TMPRSS7: variants seen among roughly 807,000 people sequenced by gnomAD.
TMPRSS7 encodes the protein transmembrane serine protease 7.
In TMPRSS7, 81 loss-of-function variants were observed where a neutral mutation model predicts 95.6. The observed-to-expected ratio is 0.85, with a 90% CI of 0.71 to 1.02. The LOEUF (loss-of-function observed/expected upper bound fraction) is 1.02, where lower values mean the gene tolerates loss of function less well. TMPRSS7 is among the 50% of genes least tolerant of loss of function. TMPRSS7 has a pLI of 0.00. For missense variants in TMPRSS7, 945 were observed against 955.2 expected (o/e 0.99, Z 0.14); for synonymous variants, 364 against 337.8 (o/e 1.08, Z -0.85).
intron 7 of TMPRSS7, among the ~76,000 whole-genome samples, chr3:112,048,600 A>G (rs2073308699): frequency 6.6e-6 from 1 of 152,248 alleles, no homozygotes; most frequent in African/African-American, 2.4e-5. Flanking sequence ...AGAAATTATT[A>G]CTCACTGTGC....
chr3:112,045,891 T>TG lies in TMPRSS7; in HGVS notation c.640dup (p.Val214GlyfsTer31). 1.3e-6 allele frequency: 2 copies of TG among 1,551,914 alleles called. No homozygotes were observed. Among genetic ancestry groups the TG allele is most frequent in the Non-Finnish European group, 1.7e-6 (2 of 1,147,000 alleles). On this transcript the variant is annotated frameshift_variant, in exon 5 of 18. Transcript: ENST00000452346. LOFTEE classifies it high-confidence loss of function. ...AGACAAGCATCATAAACCGGACCTC[T>TG]GTGGGGAGCTTGCAGGGACTGGCTG... is the stretch of plus-strand genomic sequence containing the variant.
At chr3:112,073,058 C>T (rs1022298204) in intron 13 of TMPRSS7, among the ~76,000 whole-genome samples, 8 of 151,530 alleles carry the variant, frequency 5.3e-5, no homozygotes, top group Admixed American at 3.9e-4. Flanking sequence ...CCTATTTCTC[C>T]ATGTCCTCTC....
exon 1 of TMPRSS7, chr3:112,034,844 T>C: frequency 1.4e-6 from 1 of 702,894 alleles, no homozygotes; most frequent in South Asian, 1.5e-5. Flanking sequence ...AAACGCCTAA[T>C]AATGGACAAA....
exon 4 of TMPRSS7, chr3:112,044,275 A>G (rs942838017): frequency 1.3e-6 from 2 of 1,551,024 alleles, no homozygotes; most frequent in Non-Finnish European, 1.7e-6. Flanking sequence ...TTTATACAAC[A>G]TCTGCCTTCT....
intron 15 of TMPRSS7, among the ~76,000 whole-genome samples, 175 bp downstream of exon 15, chr3:112,075,667 T>A (rs925161116): frequency 2.0e-5 from 3 of 152,078 alleles, no homozygotes; most frequent in African/African-American, 7.2e-5. Context: ...ATTATTGGTA[T>A]AAAAAAAGCA....
rs79364396 is a variant in TMPRSS7 at position 112,077,798 on chromosome 3, A to G, written c.2224+654A>G. 4.3e-3 allele frequency among the ~76,000 whole-genome samples: 648 copies of G among 152,308 alleles called. 23 individuals are homozygous for G. The East Asian group carries it at 0.065, about 15-fold the overall frequency. ...GGAAGTCCCTACATCTACCCTGCCA[A>G]GGTTTTTCATGGTCCAGGATTCAAG... On this transcript the variant is annotated intron_variant, in intron 16 of 17. Transcript: ENST00000452346.
intron 10 of TMPRSS7, among the ~76,000 whole-genome samples, chr3:112,058,239 G>A (rs1363856147): frequency 6.6e-6 from 1 of 152,140 alleles, no homozygotes; most frequent in Non-Finnish European, 1.5e-5. Context: ...AACTGGTCCT[G>A]TCTTCATTGG....
intron 13 of TMPRSS7, among the ~76,000 whole-genome samples, chr3:112,073,528 A>T (rs1204980409): frequency 6.6e-6 from 1 of 152,092 alleles, no homozygotes; most frequent in African/African-American, 2.4e-5. Flanking sequence ...TTGGCTGCAT[A>T]AATGTCTTCT....
At chr3:112,074,444 T>TATTC in intron 14 of TMPRSS7, 32 bp downstream of exon 14, 1 of 1,487,244 alleles carries the variant, frequency 6.7e-7, no homozygotes, top group Non-Finnish European at 9.3e-7. Context: ...TGGGTTCCTG[T>TATTC]ATTCCCTCTT....
At chr3:112,049,652 G>T (rs923500807) in intron 7 of TMPRSS7, among the ~76,000 whole-genome samples, 192 bp from the exon 8 acceptor site, 3 of 152,174 alleles carry the variant, frequency 2.0e-5, no homozygotes, top group African/African-American at 4.8e-5. Context: ...ACACAAAAAT[G>T]TATCTACCTT....
chr3:112,049,847 T>C, exon 8 of TMPRSS7: 1 of 1,514,750 alleles, frequency 6.6e-7, no homozygotes, highest in Non-Finnish European at 8.9e-7. Context: ...CTTTCAGAAT[T>C]TGTGAACCCA....
rs759012243 is a variant in TMPRSS7 at position 112,050,680 on chromosome 3, A to AG, written c.1100_1101insG (p.Asn367LysfsTer12). 6.3e-7 allele frequency: 1 copy of AG among 1,595,626 alleles called. No homozygotes were observed. Reference sequence around the variant, plus strand: ...TGGGTATCTTTTCCAGAGTGTGAAAACACAGTGTTGGTCAAAGACATCACT... The same window carrying AG: ...TGGGTATCTTTTCCAGAGTGTGAAAAGCACAGTGTTGGTCAAAGACATCACT... On this transcript the variant is annotated frameshift_variant, in exon 9 of 18. Transcript: ENST00000452346. LOFTEE classifies it high-confidence loss of function.
At chr3:112,070,688 T>C (rs1425916694) in intron 13 of TMPRSS7, among the ~76,000 whole-genome samples, 1 of 152,244 alleles carries the variant, frequency 6.6e-6, no homozygotes, top group East Asian at 1.9e-4. Flanking sequence ...TTGGTAGATC[T>C]TCCTCCAACC....
At chr3:112,037,061 C>A (rs4682078) in intron 1 of TMPRSS7, among the ~76,000 whole-genome samples, 1 of 151,932 alleles carries the variant, frequency 6.6e-6, no homozygotes, top group Non-Finnish European at 1.5e-5. Flanking sequence ...ACAAATTGTT[C>A]GTAAAGCATG....
At chr3:112,047,562 T>C (rs2073295154) in intron 6 of TMPRSS7, 177 bp from the exon 7 acceptor site, 1 of 666,724 alleles carries the variant, frequency 1.5e-6, no homozygotes, top group African/African-American at 1.8e-5. Context: ...AGAGTGTGGA[T>C]AGTTTCTAAA....
At chr3:112,054,181 C>T (rs2073401743) in intron 9 of TMPRSS7, among the ~76,000 whole-genome samples, 1 of 152,160 alleles carries the variant, frequency 6.6e-6, no homozygotes, top group African/African-American at 2.4e-5. Context: ...GTACACACCA[C>T]CACTGGCAAA....
At chr3:112,072,570 C>A (rs1907638) in intron 13 of TMPRSS7, among the ~76,000 whole-genome samples, 2,179 of 152,368 alleles carry the variant, frequency 0.014, 20 homozygotes, top group Non-Finnish European at 0.022. Context: ...ATGCCCTGCC[C>A]ACAGAGGTGG....
intron 9 of TMPRSS7, among the ~76,000 whole-genome samples, chr3:112,055,464 C>CAT (rs1461091622): frequency 6.6e-6 from 1 of 151,306 alleles, no homozygotes; most frequent in Non-Finnish European, 1.5e-5. Context: ...GACACACACA[C>CAT]AGACACACAC....
intron 13 of TMPRSS7, among the ~76,000 whole-genome samples, chr3:112,067,458 C>T (rs1035638522): frequency 5.9e-5 from 9 of 152,154 alleles, no homozygotes; most frequent in African/African-American, 1.9e-4. Context: ...AGTGTAAAAG[C>T]ATTCCTATTT....
Sources: gnomAD v4.1 joint callset for allele counts (sites outside exome capture counted in the v4.1 genomes callset) on GRCh38, gnomAD v4.1.1 for gene constraint, MANE v1.5 for transcripts, NCBI Gene and HGNC (gene_info 2026-07-23, HGNC 2026-07-21) for gene names.